CFAP92: variants seen among roughly 807,000 people sequenced by gnomAD.
The protein encoded by CFAP92 is uncharacterized protein CFAP92.
CFAP92 carries 86 observed loss-of-function variants against 106.3 expected under a neutral mutation model. That is an observed-to-expected ratio of 0.81 (90% CI 0.68 to 0.97). CFAP92 has a LOEUF of 0.97. Ranked by LOEUF, CFAP92 falls within the 50% of genes least tolerant of loss-of-function variation. CFAP92 has a pLI of 0.00. For synonymous variants in CFAP92, 477 were observed against 506.4 expected (o/e 0.94, Z 0.78); for missense variants, 1,204 against 1,283.8 (o/e 0.94, Z 0.95).
At position 128,993,282 on chromosome 3, in the gene CFAP92, C is replaced by T; in HGVS notation, c.23G>A (p.Trp8Ter). 6.2e-7 allele frequency: 1 copy of T among 1,613,608 alleles called. No homozygotes were observed. Among genetic ancestry groups the T allele is most frequent in the Non-Finnish European group, 8.5e-7 (1 of 1,179,814 alleles). MSLHAWE[W>*]EEDPASIEPI... is the part of the protein sequence containing the mutation. ...CTCTATGCTTGCGGGGTCCTCTTCC[C>T]ACTCCCAGGCATGTAGCGACATGCT... The change falls in exon 2 of 16, where the codon TGG becomes TAG. Residue 8 changes from tryptophan (W) to a stop codon, truncating the protein, a stop_gained. Coordinates refer to ENST00000645291, the MANE Select transcript of CFAP92 (RefSeq NM_001394090.1). LOFTEE classifies it high-confidence loss of function.
upstream of CFAP92, chr3:129,003,981 G>A: frequency 2.0e-6 from 3 of 1,496,720 alleles, no homozygotes; most frequent in Non-Finnish European, 2.7e-6. Context: ...GTGCTGCGCA[G>A]CCTGCACCGC....
intron 7 of CFAP92, among the ~76,000 whole-genome samples, chr3:128,973,264 A>C (rs969900783): frequency 6.6e-6 from 1 of 152,218 alleles, no homozygotes; most frequent in African/African-American, 2.4e-5. Context: ...AAATAAGCCT[A>C]TGCAATGCTG....
intron 9 of CFAP92, among the ~76,000 whole-genome samples, chr3:128,947,265 T>C (rs1360804916): frequency 1.3e-5 from 2 of 152,028 alleles, no homozygotes; most frequent in Admixed American, 6.6e-5. Flanking sequence ...TGGAGAGATG[T>C]ACTATATACA....
chr3:128,919,660 C>T (rs1937106560), intron 12 of CFAP92, among the ~76,000 whole-genome samples: 1 of 152,114 alleles, frequency 6.6e-6, no homozygotes, highest in Admixed American at 6.6e-5. Flanking sequence ...GCAGTTTTCT[C>T]TCAAGGGATT....
chr3:128,921,529 T>C (rs1937281485), intron 12 of CFAP92, among the ~76,000 whole-genome samples: 1 of 152,256 alleles, frequency 6.6e-6, no homozygotes. Context: ...GCTCAGGCTA[T>C]GGCTGGATTG....
chr3:128,972,109 T>C (rs1450732274), intron 7 of CFAP92, among the ~76,000 whole-genome samples: 1 of 152,232 alleles, frequency 6.6e-6, no homozygotes, highest in African/African-American at 2.4e-5. Flanking sequence ...ATTATCCATA[T>C]GGGAGCAAAT....
At chr3:128,994,157 G>A (rs1318418738), upstream of CFAP92, 1 of 985,564 alleles carries the variant, frequency 1.0e-6, no homozygotes. Context: ...AGACGCGAGG[G>A]CGTGCGGCCT....
At chr3:128,956,172 A>T (rs1251144768) in intron 9 of CFAP92, among the ~76,000 whole-genome samples, 2 of 121,092 alleles carry the variant, frequency 1.7e-5, no homozygotes, top group South Asian at 2.6e-4. Flanking sequence ...AATTATCAAT[A>T]AAAAAATAAA....
At chr3:128,938,810 C>A (rs1345532414) in intron 10 of CFAP92, among the ~76,000 whole-genome samples, 1 of 151,862 alleles carries the variant, frequency 6.6e-6, no homozygotes, top group East Asian at 1.9e-4. Context: ...AACAGGACTG[C>A]ACATCCAGGC....
intron 11 of CFAP92, among the ~76,000 whole-genome samples, chr3:128,933,531 C>T (rs1938639529): frequency 6.6e-6 from 1 of 152,218 alleles, no homozygotes; most frequent in South Asian, 2.1e-4. Context: ...TCAGTCATGG[C>T]TGTTGGCGGC....
At chr3:128,935,065 G>T in intron 11 of CFAP92, 60 bp downstream of exon 11, 1 of 1,369,166 alleles carries the variant, frequency 7.3e-7, no homozygotes, top group Non-Finnish European at 9.7e-7. Flanking sequence ...TGGGTGCAGA[G>T]TGTTAAGAAG....
chr3:128,989,569 G>C (rs551007754), intron 2 of CFAP92, among the ~76,000 whole-genome samples: 1 of 152,132 alleles, frequency 6.6e-6, no homozygotes, highest in Non-Finnish European at 1.5e-5. Flanking sequence ...TTCTGCCAGA[G>C]TCCAGAGCCC....
chr3:128,940,147 G>T (rs1939485325), intron 10 of CFAP92, among the ~76,000 whole-genome samples: 1 of 152,132 alleles, frequency 6.6e-6, no homozygotes, highest in African/African-American at 2.4e-5. Context: ...TCCTTTTTAT[G>T]TCCAAATAGG....
chr3:129,017,567 G>A, the CFAP92 span, among the ~76,000 whole-genome samples: 7 of 152,128 alleles, frequency 4.6e-5, no homozygotes, highest in Non-Finnish European at 7.3e-5. Context: ...TTTCCTTGCC[G>A]GCTGTCAGCT....
chr3:128,911,045 GTGTA>G (rs531719665), intron 15 of CFAP92, among the ~76,000 whole-genome samples: 102 of 152,282 alleles, frequency 6.7e-4, no homozygotes, highest in East Asian at 5.2e-3. Flanking sequence ...ATGTGTGTGT[GTGTA>G]TGTATGTATG....
chr3:128,998,373 C>T (rs141869415), upstream of CFAP92, among the ~76,000 whole-genome samples: 116 of 152,196 alleles, frequency 7.6e-4, no homozygotes, highest in African/African-American at 2.7e-3. Context: ...CTTTGACTAA[C>T]AACAGGCCTA....
chr3:128,935,289 C>A lies in CFAP92; in HGVS notation c.2289G>T (p.Lys763Asn). 6.5e-7 allele frequency: 1 copy of A among 1,529,514 alleles called. No homozygotes were observed. Among genetic ancestry groups the A allele is most frequent in the Non-Finnish European group, 8.8e-7 (1 of 1,142,604 alleles). The allele number at this position is 1,529,514 out of a possible 1,614,324, so 94.7% of individuals were successfully genotyped here. ...ACAGCAGCTGTGAGTTGTACAGCAC[C>A]TTGTATTTCCTGTGTTCTGACCTGG... ...WIPRSEHRKYKVLYNSQLLFR... is the reference protein window; with the variant it reads ...WIPRSEHRKYNVLYNSQLLFR... The change falls in exon 11 of 16, where the codon AAG becomes AAT. Residue 763 changes from lysine (K) to asparagine (N), a missense_variant. By Grantham distance (94) the Lys-to-Asn change is moderately conservative (BLOSUM62 0). Transcript: ENST00000645291.
intron 15 of CFAP92, 150 bp from the exon 16 acceptor site, chr3:128,910,483 T>G (rs1936160852): frequency 1.2e-6 from 1 of 829,050 alleles, no homozygotes; most frequent in Non-Finnish European, 1.9e-6. Context: ...CTGCCTGCAC[T>G]TTCCAGAGCA....
At chr3:129,006,388 CT>C (rs1216945759), upstream of CFAP92, among the ~76,000 whole-genome samples, 3 of 152,250 alleles carry the variant, frequency 2.0e-5, no homozygotes, top group Non-Finnish European at 4.4e-5. Context: ...GCGATCTTGG[CT>C]CACTGCAATC....
Sources: gnomAD v4.1 joint callset for allele counts (sites outside exome capture counted in the v4.1 genomes callset) on GRCh38, gnomAD v4.1.1 for gene constraint, MANE v1.5 for transcripts, NCBI Gene and HGNC (gene_info 2026-07-23, HGNC 2026-07-21) for gene names.